The following DNAI7 variants were observed in gnomAD, a reference collection of about 807,000 sequenced individuals.
The protein encoded by DNAI7 is dynein axonemal intermediate chain 7.
In DNAI7, 78 loss-of-function variants were observed where a neutral mutation model predicts 86.6. The observed-to-expected ratio is 0.90, with a 90% CI of 0.75 to 1.09. The LOEUF (loss-of-function observed/expected upper bound fraction) is 1.09. Among genes scored for constraint, DNAI7 ranks in the 50% least tolerant of loss-of-function variants. The probability of loss-of-function intolerance (pLI) is 0.00; values close to 1 mark genes in which losing one functional copy is unlikely to be tolerated. For missense variants in DNAI7, 753 were observed against 810.2 expected (o/e 0.93, Z 0.86); for synonymous variants, 274 against 273.0 (o/e 1.00, Z -0.04).
intron 9 of DNAI7, among the ~76,000 whole-genome samples, chr12:25,142,167 T>C (rs1944270487): frequency 6.6e-6 from 1 of 152,118 alleles, no homozygotes; most frequent in South Asian, 2.1e-4. Flanking sequence ...CACTCAGCCA[T>C]AAAAGAGAAT....
chr12:25,136,271 C>T (rs998273995), intron 9 of DNAI7, among the ~76,000 whole-genome samples: 2 of 152,188 alleles, frequency 1.3e-5, no homozygotes, highest in South Asian at 4.1e-4. Flanking sequence ...CAACCTGGAG[C>T]GCAGTAGCTC....
chr12:25,107,969 C>T (rs1189910335), downstream of DNAI7: 1 of 1,614,088 alleles, frequency 6.2e-7, no homozygotes, highest in Non-Finnish European at 8.5e-7. Flanking sequence ...GTGGATGCCG[C>T]TCCCACACAG....
intron 2 of DNAI7, among the ~76,000 whole-genome samples, chr12:25,180,360 T>A (rs78792115): frequency 2.6e-5 from 4 of 152,196 alleles, no homozygotes; most frequent in African/African-American, 9.7e-5. Context: ...ATGATCACAC[T>A]GCCCAAAGCA....
chr12:25,174,449 T>TATATATATC lies in DNAI7; in HGVS notation c.22-13261_22-13253dup, dbSNP rs1315199834. Among the ~76,000 whole-genome samples the TATATATATC allele has an allele frequency of 8.2e-4, 79 of 96,114 alleles. 16 individuals are homozygous for TATATATATC. The highest frequency in any genetic ancestry group is 3.5e-3 in the African/African-American group (73 of 21,106). 63.1% of individuals were successfully genotyped at this position (96,114 alleles called of 152,430 possible). A position where few individuals can be genotyped will look rare whatever the true frequency, so the allele number is the denominator to read the frequency against. ...TATCATATATATCATATATATGGGA[T>TATATATATC]ATATATATCATATATATCATATATA... On this transcript the variant is annotated intron_variant, in intron 2 of 15. Coordinates refer to ENST00000395987, the MANE Select transcript of DNAI7 (RefSeq NM_018272.5).
rs750871035 is a variant in DNAI7 at position 25,154,438 on chromosome 12, A to C, written c.319T>G (p.Cys107Gly). 3 of 1,609,894 alleles carry C rather than the reference A, an allele frequency of 1.9e-6. No homozygotes were observed. The South Asian group carries it at 3.3e-5, about 18-fold the overall frequency. Residue 107 changes from cysteine to glycine, a missense_variant, in exon 6 of 16, where the codon TGT becomes GGT. Cys to Gly is a radical substitution (Grantham distance 159, BLOSUM62 -3). Coordinates refer to ENST00000395987, the MANE Select transcript of DNAI7 (RefSeq NM_018272.5). Reference protein sequence around the residue: ...LLSQWKHYIQCDGSPDPSVAQ... With the variant: ...LLSQWKHYIQGDGSPDPSVAQ... Reference sequence around the variant, plus strand: ...ACTGAAGGATCAGGACTCCCATCACATTGAATGTAGTGCTTCCACTGTGGA... The same window carrying C: ...ACTGAAGGATCAGGACTCCCATCACCTTGAATGTAGTGCTTCCACTGTGGA...
intron 13 of DNAI7, 25 bp from the exon 14 acceptor site, chr12:25,111,964 C>T (rs772053638): frequency 1.3e-6 from 2 of 1,496,426 alleles, no homozygotes; most frequent in Non-Finnish European, 1.8e-6. Context: ...AAAAAAGAAG[C>T]TTTTATGTAA....
chr12:25,164,726 C>T (rs960479505), intron 2 of DNAI7, among the ~76,000 whole-genome samples: 7 of 152,194 alleles, frequency 4.6e-5, no homozygotes, highest in African/African-American at 7.2e-5. Flanking sequence ...CTTTCCCTCC[C>T]GCCTGTCCCC....
intron 12 of DNAI7, among the ~76,000 whole-genome samples, chr12:25,117,829 TTAAAG>T (rs1319340867): frequency 6.6e-6 from 1 of 152,182 alleles, no homozygotes; most frequent in Non-Finnish European, 1.5e-5. Context: ...ACGATTAACA[TTAAAG>T]TAATCAAATA....
intron 2 of DNAI7, among the ~76,000 whole-genome samples, chr12:25,186,405 T>C (rs935926260): frequency 7.2e-5 from 11 of 152,176 alleles, no homozygotes; most frequent in African/African-American, 2.7e-4. Context: ...TATTATCAAA[T>C]GATAGTACCA....
chr12:25,129,542 T>C, intron 9 of DNAI7, among the ~76,000 whole-genome samples: 1 of 152,160 alleles, frequency 6.6e-6, no homozygotes, highest in East Asian at 1.9e-4. Context: ...TTATATAACT[T>C]ATTCCCATGG....
intron 2 of DNAI7, among the ~76,000 whole-genome samples, chr12:25,187,993 T>C (rs1950190563): frequency 6.6e-6 from 1 of 152,174 alleles, no homozygotes; most frequent in Admixed American, 6.6e-5. Flanking sequence ...AGCCGGTTCA[T>C]GTGGATTTGC....
At chr12:25,189,767 A>G (rs1346718093) in intron 2 of DNAI7, among the ~76,000 whole-genome samples, 2 of 152,160 alleles carry the variant, frequency 1.3e-5, no homozygotes, top group Non-Finnish European at 2.9e-5. Flanking sequence ...TCCAGACCCA[A>G]ATCCCTGTTG....
downstream of DNAI7, chr12:25,108,008 A>G (rs748286354): frequency 5.0e-6 from 8 of 1,613,742 alleles, no homozygotes; most frequent in South Asian, 1.1e-5. Flanking sequence ...TCTCTAGAAC[A>G]TATCTTGTGG....
In DNAI7 at chr12:25,190,627, G is replaced by A; in HGVS notation, c.8C>T (p.Pro3Leu). The A allele has an allele frequency of 7.1e-7, 1 of 1,401,220 alleles. No homozygotes were observed. The highest frequency in any genetic ancestry group is 9.7e-7 in the Non-Finnish European group (1 of 1,027,142). 86.8% of individuals were successfully genotyped at this position (1,401,220 alleles called of 1,614,324 possible). The change falls in exon 2 of 16, where the codon CCC becomes CTC. Residue 3 changes from proline (P) to leucine (L), a missense_variant. Transcript: ENST00000395987. MG[P>L]KAKKSGSKKK... is the part of the protein sequence containing the mutation. ...AATTCTACATACCTTTTTTGCTTTG[G>A]GACCCTAAAAGTTGGAAAACAAAAG...
intron 9 of DNAI7, among the ~76,000 whole-genome samples, chr12:25,125,358 CTCT>C (rs1941979217): frequency 6.6e-6 from 1 of 152,186 alleles, no homozygotes; most frequent in South Asian, 2.1e-4. Context: ...ATTTACATTT[CTCT>C]AATGATCAGC....
chr12:25,173,847 T>C (rs1439455962), intron 2 of DNAI7, among the ~76,000 whole-genome samples: 6 of 141,068 alleles, frequency 4.3e-5, no homozygotes, highest in South Asian at 2.3e-4. Context: ...CATATATATA[T>C]ACATCATATG....
At chr12:25,152,378 G>A (rs960500348) in intron 6 of DNAI7, among the ~76,000 whole-genome samples, 3 of 152,208 alleles carry the variant, frequency 2.0e-5, no homozygotes, top group Non-Finnish European at 4.4e-5. Context: ...AATCAAGCAT[G>A]CCTACATAAA....
rs528089050 is a variant in DNAI7 at position 25,166,578 on chromosome 12, G to A, written c.22-5381C>T. Reference sequence around the variant, plus strand: ...TTCTTCCTCATCTGTTACCTATCTCGGCATAATTCTCATAAAGACACGTGC... The same window carrying A: ...TTCTTCCTCATCTGTTACCTATCTCAGCATAATTCTCATAAAGACACGTGC... On this transcript the variant is annotated intron_variant, in intron 2 of 15. Transcript: ENST00000395987. 5.6e-3 allele frequency among the ~76,000 whole-genome samples: 849 copies of A among 152,080 alleles called. 4 individuals carry two copies. The highest frequency in any genetic ancestry group is 9.3e-3 in the Admixed American group (142 of 15,272).
intron 2 of DNAI7, among the ~76,000 whole-genome samples, chr12:25,166,946 C>A (rs551832625): frequency 1.7e-3 from 261 of 152,266 alleles, no homozygotes; most frequent in African/African-American, 6.0e-3. Flanking sequence ...GTACTCACTT[C>A]TTGTTGAGTC....
Sources: gnomAD v4.1 joint callset for allele counts (sites outside exome capture counted in the v4.1 genomes callset) on GRCh38, gnomAD v4.1.1 for gene constraint, MANE v1.5 for transcripts, NCBI Gene and HGNC (gene_info 2026-07-23, HGNC 2026-07-21) for gene names.